Variants in KTN1 observed in about 807,000 individuals in gnomAD.
The protein encoded by KTN1 is kinectin 1.
In KTN1, 130 loss-of-function variants were observed where a neutral mutation model predicts 222.5. The ratio of observed to expected loss-of-function variants is 0.58; its 90% confidence interval spans 0.51 to 0.68. KTN1 has a LOEUF of 0.68. KTN1 is among the 30% of genes least tolerant of loss of function. The pLI is 0.00. For missense variants in KTN1, 1,508 were observed against 1,500.4 expected, an observed-to-expected ratio of 1.01 and a Z score of -0.08; for synonymous variants, 512 against 496.3, an observed-to-expected ratio of 1.03 and a Z score of -0.42.
intron 1 of KTN1, among the ~76,000 whole-genome samples, chr14:55,587,892 A>T (rs568476855): frequency 5.9e-5 from 9 of 152,284 alleles, no homozygotes; most frequent in African/African-American, 2.2e-4. Flanking sequence ...CTTTTGTAAA[A>T]GTGGCTTAAT....
chr14:55,635,755 T>A (rs1464898537), intron 9 of KTN1, among the ~76,000 whole-genome samples: 1 of 152,248 alleles, frequency 6.6e-6, no homozygotes, highest in Non-Finnish European at 1.5e-5. Flanking sequence ...AGTTAAATGC[T>A]ACCTCATTAT....
chr14:55,628,113 T>G, intron 6 of KTN1, 85 bp downstream of exon 6: 2 of 776,778 alleles, frequency 2.6e-6, no homozygotes, highest in Non-Finnish European at 4.3e-6. Context: ...ATCAGTAGTT[T>G]AATTATTTGT....
Position 55,672,946 on chromosome 14 carries a change from A to C in KTN1, c.3621A>C (p.Glu1207Asp). 1.2e-6 allele frequency: 2 copies of C among 1,613,194 alleles called. No homozygotes were observed. Among genetic ancestry groups the C allele is most frequent in the Non-Finnish European group, 1.7e-6 (2 of 1,179,268 alleles). ...KDIENLRRER[E>D]HLEMELEKAE... Reference sequence around the variant, plus strand: ...ATTGCTAGCTGAGAAGAGAACGAGAACATTTGGAAATGGAACTAGAAAAGG... The same window carrying C: ...ATTGCTAGCTGAGAAGAGAACGAGACCATTTGGAAATGGAACTAGAAAAGG... Residue 1207 changes from glutamate to aspartate, a missense_variant, in exon 39 of 44, where the codon GAA (glutamate) becomes GAC (aspartate). Glu to Asp is a conservative substitution (Grantham distance 45, BLOSUM62 2). Coordinates refer to ENST00000395314, the MANE Select transcript of KTN1 (RefSeq NM_001079521.2).
chr14:55,651,402 A>G, intron 24 of KTN1: 2 of 454,642 alleles, frequency 4.4e-6, no homozygotes, highest in South Asian at 3.1e-5. Flanking sequence ...TATGATTAAG[A>G]AAAAATTAAA....
intron 29 of KTN1, among the ~76,000 whole-genome samples, chr14:55,657,830 C>T (rs1166443466): frequency 6.6e-6 from 1 of 152,058 alleles, no homozygotes; most frequent in Non-Finnish European, 1.5e-5. Context: ...AGGAGAATCA[C>T]TTGAACCCGG....
In KTN1 at chr14:55,634,635, G is replaced by C. The variant is rs2040903532; in HGVS notation, c.1438G>C (p.Glu480Gln). The C allele has an allele frequency of 6.2e-7, 1 of 1,613,398 alleles. No individual in the cohort carries two copies. Among genetic ancestry groups the C allele is most frequent in the Non-Finnish European group, 8.5e-7 (1 of 1,179,676 alleles). Reference protein sequence around the residue: ...QQEEVQKKNAEQAATQLKVQL... With the variant: ...QQEEVQKKNAQQAATQLKVQL... Reference sequence around the variant, plus strand: ...AGAGGAAGTCCAAAAGAAGAATGCTGAGCAAGCAGCTACTCAGTTGAAGGT... The same window carrying C: ...AGAGGAAGTCCAAAAGAAGAATGCTCAGCAAGCAGCTACTCAGTTGAAGGT... The change falls in exon 9 of 44, where the codon GAG becomes CAG. Residue 480 changes from glutamate (E) to glutamine (Q), a missense_variant. Coordinates refer to ENST00000395314, the MANE Select transcript of KTN1 (RefSeq NM_001079521.2).
intron 17 of KTN1, 135 bp from the exon 18 acceptor site, chr14:55,641,557 G>A (rs2041804604): frequency 1.4e-6 from 1 of 703,932 alleles, no homozygotes; most frequent in African/African-American, 1.8e-5. Flanking sequence ...TTTGAATTAT[G>A]TCAGTGTATA....
chr14:55,679,493 T>G, intron 42 of KTN1, 72 bp from the exon 43 acceptor site: 1 of 1,278,368 alleles, frequency 7.8e-7, no homozygotes, highest in Non-Finnish European at 1.1e-6. Flanking sequence ...CAATATAACA[T>G]TTTCTGTTGT....
chr14:55,679,569 CT>C lies in KTN1; in HGVS notation c.3955del (p.Ser1319LeufsTer8). ...ENSDVSPETE[S>X]SEKETMSVSL... ...TCACTTCCATCTTCTTTTTAGGAGT[CT>C]TCTGAGAAGGAGACAATGTCTGTAA... On this transcript the variant is annotated frameshift_variant, in exon 43 of 44. Transcript: ENST00000395314. LOFTEE classifies it high-confidence loss of function. The C allele has an allele frequency of 6.2e-7, 1 of 1,608,490 alleles. No homozygotes were observed. Among genetic ancestry groups the C allele is most frequent in the Non-Finnish European group, 8.5e-7 (1 of 1,176,430 alleles).
At chr14:55,640,102 T>C in intron 14 of KTN1, 99 bp downstream of exon 14, 1 of 770,482 alleles carries the variant, frequency 1.3e-6, no homozygotes, top group Non-Finnish European at 2.2e-6. Flanking sequence ...AAATGGAAAA[T>C]AGTCTAGAAT....
chr14:55,637,064 A>G (rs2041212744), intron 10 of KTN1, 134 bp from the exon 11 acceptor site: 4 of 578,396 alleles, frequency 6.9e-6, no homozygotes, highest in Non-Finnish European at 1.2e-5. Context: ...ATAGCCTGCT[A>G]CAGGAGCATG....
chr14:55,656,221 G>A, intron 29 of KTN1, 89 bp downstream of exon 29: 1 of 851,064 alleles, frequency 1.2e-6, no homozygotes, highest in Non-Finnish European at 1.9e-6. Context: ...AAAAAATAGA[G>A]TACAGAATGA....
intron 25 of KTN1, among the ~76,000 whole-genome samples, chr14:55,652,642 G>A (rs941356564): frequency 6.6e-5 from 10 of 152,010 alleles, no homozygotes; most frequent in Non-Finnish European, 1.0e-4. Flanking sequence ...CTTGTGATCC[G>A]CCCGCCTTGG....
rs181953302 is a variant in KTN1, at chr14:55,652,048, T to G, written c.2603+121T>G. 4.1e-4 allele frequency: 269 copies of G among 659,508 alleles called. No homozygotes were observed. In the African/African-American group the frequency reaches 4.3e-3, roughly 11 times the overall value. The allele number at this position is 659,508 out of a possible 1,614,324, so 40.9% of individuals were successfully genotyped here. A position where few individuals can be genotyped will look rare whatever the true frequency, so the allele number is the denominator to read the frequency against. On this transcript the variant is annotated intron_variant, in intron 25 of 43. Coordinates refer to ENST00000395314, the MANE Select transcript of KTN1 (RefSeq NM_001079521.2). ...TTTTAGAAAATACGAAAATACTGAT[T>G]ATCTCAAAACTCCTAAGGGCCCTAA... is the stretch of plus-strand genomic sequence containing the variant.
chr14:55,675,772 G>C, intron 40 of KTN1, 63 bp from the exon 41 acceptor site: 1 of 1,064,976 alleles, frequency 9.4e-7, no homozygotes, highest in Non-Finnish European at 1.5e-6. Flanking sequence ...AGTCCTAGAG[G>C]TATCAGCATA....
At chr14:55,583,282 T>A (rs902122128) in intron 1 of KTN1, among the ~76,000 whole-genome samples, 1 of 151,956 alleles carries the variant, frequency 6.6e-6, no homozygotes, top group Non-Finnish European at 1.5e-5. Flanking sequence ...ATTTTTCTTT[T>A]TTAAAAAATG....
intron 33 of KTN1, among the ~76,000 whole-genome samples, chr14:55,666,077 T>A (rs1235786314): frequency 6.6e-6 from 1 of 151,978 alleles, no homozygotes; most frequent in African/African-American, 2.4e-5. Flanking sequence ...TGCAGTTAGG[T>A]GTATTCCTGA....
chr14:55,643,171 A>G (rs546102050), intron 18 of KTN1, among the ~76,000 whole-genome samples: 12 of 152,126 alleles, frequency 7.9e-5, no homozygotes, highest in African/African-American at 2.9e-4. Flanking sequence ...CGGCCTCCCA[A>G]AGTGCTGGGA....
intron 43 of KTN1, chr14:55,680,974 A>T: frequency 3.0e-6 from 1 of 337,022 alleles, no homozygotes; most frequent in Non-Finnish European, 5.8e-6. Flanking sequence ...TATTCTTTCC[A>T]CTGGCTCCCT....
Sources: gnomAD v4.1 joint callset for allele counts (sites outside exome capture counted in the v4.1 genomes callset) on GRCh38, gnomAD v4.1.1 for gene constraint, MANE v1.5 for transcripts, NCBI Gene and HGNC (gene_info 2026-07-23, HGNC 2026-07-21) for gene names.